PCDHGB3: variants seen among roughly 807,000 people sequenced by gnomAD.
PCDHGB3 encodes protocadherin gamma-B3.
In PCDHGB3, 40 loss-of-function variants were observed where a neutral mutation model predicts 59.2. That is an observed-to-expected ratio of 0.68 (90% CI 0.52 to 0.88). The LOEUF (loss-of-function observed/expected upper bound fraction) is 0.88. PCDHGB3 is among the 40% of genes least tolerant of loss of function. PCDHGB3 has a pLI of 0.00. For synonymous variants in PCDHGB3, 581 were observed against 503.6 expected, an observed-to-expected ratio of 1.15 and a Z score of -2.06; for missense variants, 1,309 against 1,187.9, an observed-to-expected ratio of 1.10 and a Z score of -1.50.
At chr5:141,379,831 C>T (rs1242791393) in intron 1 of PCDHGB3, among the ~76,000 whole-genome samples, 3 of 142,262 alleles carry the variant, frequency 2.1e-5, no homozygotes, top group Non-Finnish European at 4.5e-5. Context: ...TTTGAAGCAT[C>T]AGGAAAAAAA....
rs1286991812 is a variant in PCDHGB3 at position 141,432,170 on chromosome 5, C to T, written c.2415+59361C>T. The T allele has an allele frequency of 1.2e-6, 2 of 1,614,072 alleles. No homozygotes were observed. The highest frequency in any genetic ancestry group is 1.7e-6 in the Non-Finnish European group (2 of 1,180,036). ...AGAGAACAATCCCAGAGGAGTTTCC[C>T]TCGTCTCTGTGACCGCCCACGACCC... On this transcript the variant is annotated intron_variant, in intron 1 of 3. Coordinates refer to ENST00000576222, the MANE Select transcript of PCDHGB3 (RefSeq NM_018924.5). This position sits in a 1 kb window ranked among gnomAD's most constrained non-coding sequence, Gnocchi z 6.0.
chr5:141,410,090 C>G (rs369832481), intron 1 of PCDHGB3: 3 of 1,612,358 alleles, frequency 1.9e-6, no homozygotes, highest in South Asian at 2.2e-5. Context: ...GCGCACGGCT[C>G]GAGCCTTAGG....
At chr5:141,451,503 A>G (rs1395798374) in intron 1 of PCDHGB3, among the ~76,000 whole-genome samples, 1 of 152,234 alleles carries the variant, frequency 6.6e-6, no homozygotes, top group African/African-American at 2.4e-5. Flanking sequence ...TAGGGCAACC[A>G]GCTTCTGTTA....
rs141295392 is a variant in PCDHGB3 at position 141,393,658 on chromosome 5, G to A, written c.2415+20849G>A. 3.0e-5 allele frequency: 49 copies of A among 1,613,798 alleles called. No homozygotes were observed. The Middle Eastern group carries it at 6.6e-4, about 22-fold the overall frequency. ...AACGGAAAAGTGGCATACAAATTCC[G>A]GAAAATTAATGAAAAACAAACTCCG... On this transcript the variant is annotated intron_variant, in intron 1 of 3. Transcript: ENST00000576222.
intron 1 of PCDHGB3, chr5:141,376,294 C>T (rs572453488): frequency 9.9e-6 from 16 of 1,614,226 alleles, no homozygotes; most frequent in East Asian, 2.2e-5. Context: ...GCATGCCCGG[C>T]TCGCACTTTG....
rs1207371456 is a variant in PCDHGB3 at position 141,487,371 on chromosome 5, G to A, written c.2416-7436G>A. On this transcript the variant is annotated intron_variant, in intron 1 of 3. Transcript: ENST00000576222. The surrounding 1 kb of genome is among the most constrained non-coding windows in gnomAD (Gnocchi z 5.0). ...TGCTTTCCTGCTGGCACCTGTGCCT[G>A]TCTCACCAGATCTCGAAGGAGGGAG... The A allele has an allele frequency of 4.3e-6, 7 of 1,614,076 alleles. No individual in the cohort carries two copies. In the Admixed American group the frequency reaches 5.0e-5, roughly 12 times the overall value.
intron 1 of PCDHGB3, chr5:141,410,640 G>T: frequency 1.3e-6 from 2 of 1,599,058 alleles, no homozygotes; most frequent in Non-Finnish European, 1.7e-6. Flanking sequence ...TCTTTTTTGT[G>T]TGTGATTTAT....
chr5:141,413,747 A>C, intron 1 of PCDHGB3: 1 of 1,613,348 alleles, frequency 6.2e-7, no homozygotes. Flanking sequence ...AGCCGTGCCA[A>C]TGGCGTCAAG....
chr5:141,378,847 A>G (rs1235220529), intron 1 of PCDHGB3: 2 of 152,214 alleles, frequency 1.3e-5, no homozygotes, highest in Non-Finnish European at 2.9e-5. Flanking sequence ...AGAGTTTTTG[A>G]CTGTCAATGA....
chr5:141,481,183 G>A (rs2099533234), intron 1 of PCDHGB3, among the ~76,000 whole-genome samples: 1 of 152,146 alleles, frequency 6.6e-6, no homozygotes, highest in African/African-American at 2.4e-5. Flanking sequence ...GCTTTATTGG[G>A]CCAGGCCCAA....
At chr5:141,414,312 C>T in intron 1 of PCDHGB3, 1 of 1,613,724 alleles carries the variant, frequency 6.2e-7, no homozygotes, top group South Asian at 1.1e-5. Context: ...ATGATTTAGA[C>T]TCTGAGCAGA....
rs2233600 is a variant in PCDHGB3, at chr5:141,489,134, A to C, written c.2416-5673A>C. 9,827 of 731,232 alleles carry C rather than the reference A, an allele frequency of 0.013. 1,099 individuals are homozygous for C. The East Asian group carries it at 0.25, about 19-fold the overall frequency. The allele number at this position is 731,232 out of a possible 1,614,324, so 45.3% of individuals were successfully genotyped here. A position where few individuals can be genotyped will look rare whatever the true frequency, so the allele number is the denominator to read the frequency against. Reference sequence around the variant, plus strand: ...GGCAAACCTCCGAGCAGTTTTTAAGAGGCTGGAAGGAGACATAAGAGACTT... The same window carrying C: ...GGCAAACCTCCGAGCAGTTTTTAAGCGGCTGGAAGGAGACATAAGAGACTT... On this transcript the variant is annotated intron_variant, in intron 1 of 3. Transcript: ENST00000576222. The surrounding 1 kb of genome is among the most constrained non-coding windows in gnomAD (Gnocchi z 4.5).
In PCDHGB3 at chr5:141,419,703, G is replaced by C. The variant is rs2096418539; in HGVS notation, c.2415+46894G>C. 1 of 1,612,946 alleles carries C rather than the reference G, an allele frequency of 6.2e-7. No individual in the cohort carries two copies. The highest frequency in any genetic ancestry group is 1.3e-5 in the African/African-American group (1 of 74,946). The stretch of plus-strand genomic sequence containing the variant: ...CACGTGGTGCAGGCCAGTGAGCCCG[G>C]GCTCTTCAGCCTGGGGCTGCGAACA... On this transcript the variant is annotated intron_variant, in intron 1 of 3. Coordinates refer to ENST00000576222, the MANE Select transcript of PCDHGB3 (RefSeq NM_018924.5).
At chr5:141,429,045 G>C (rs919761577) in intron 1 of PCDHGB3, 15 of 151,954 alleles carry the variant, frequency 9.9e-5, no homozygotes, top group African/African-American at 2.9e-4. Context: ...TAGTACAGAC[G>C]GGGTTTCACC....
intron 1 of PCDHGB3, among the ~76,000 whole-genome samples, chr5:141,463,684 G>C (rs2099066814): frequency 6.6e-6 from 1 of 151,910 alleles, no homozygotes; most frequent in African/African-American, 2.4e-5. Flanking sequence ...ATGACCTCGT[G>C]ATCTGCTCAC....
chr5:141,377,296 T>A (rs555068589), intron 1 of PCDHGB3: 1 of 152,208 alleles, frequency 6.6e-6, no homozygotes, highest in Non-Finnish European at 1.5e-5. Flanking sequence ...TTAATTTAGG[T>A]CAGTGTTAAA....
At position 141,431,098 on chromosome 5, in the gene PCDHGB3, A is replaced by G; in HGVS notation, c.2415+58289A>G. The G allele has an allele frequency of 6.2e-7, 1 of 1,614,260 alleles. No homozygotes were observed. The highest frequency in any genetic ancestry group is 8.5e-7 in the Non-Finnish European group (1 of 1,180,040). On this transcript the variant is annotated intron_variant, in intron 1 of 3. Transcript: ENST00000576222. This position sits in a 1 kb window ranked among gnomAD's most constrained non-coding sequence, Gnocchi z 4.8. ...ATCTAGACATTCTGATGGAGGATAA[A>G]GTGAAAATATATGGAGTAGAAGTAG...
At chr5:141,424,094 A>G (rs1036391991) in intron 1 of PCDHGB3, 11 of 864,422 alleles carry the variant, frequency 1.3e-5, no homozygotes, top group Non-Finnish European at 1.4e-5. Context: ...ATTATTTGCT[A>G]TTACTGCTAA....
chr5:141,404,594 T>C (rs778412256), intron 1 of PCDHGB3: 6 of 1,614,050 alleles, frequency 3.7e-6, no homozygotes, highest in South Asian at 1.1e-5. Flanking sequence ...CAATGTGTCA[T>C]TGAGACTGTT....
Sources: allele counts gnomAD v4.1 joint callset (sites outside exome capture counted in the v4.1 genomes callset), GRCh38; gene constraint gnomAD v4.1.1; non-coding constraint Gnocchi (gnomAD v3.1); transcripts MANE v1.5; gene names NCBI Gene and HGNC (gene_info 2026-07-23, HGNC 2026-07-21).